Variants in SDK1 observed in about 807,000 individuals in gnomAD.
SDK1 encodes protein sidekick-1.
A neutral mutation model predicts 245.5 loss-of-function variants in SDK1; 157 were observed. The ratio of observed to expected loss-of-function variants is 0.64; its 90% CI spans 0.56 to 0.73. SDK1 has a LOEUF of 0.73. Among genes scored for constraint, SDK1 ranks in the 30% least tolerant of loss-of-function variants. SDK1 has a pLI of 0.00. For synonymous variants in SDK1, 1,647 were observed against 1,278.5 expected, an observed-to-expected ratio of 1.29 and a Z score of -6.15; for missense variants, 3,583 against 3,002.3, an observed-to-expected ratio of 1.19 and a Z score of -4.52.
intron 1 of SDK1, among the ~76,000 whole-genome samples, chr7:3,442,186 T>C (rs1780214792): frequency 6.6e-6 from 1 of 152,212 alleles, no homozygotes. Context: ...TAATTCTAGT[T>C]ATGAAGGAAA....
In SDK1 at chr7:4,158,558, A is replaced by C. The variant is rs770604026; in HGVS notation, c.4729+7A>C. On this transcript the variant is annotated splice_region_variant and intron_variant, in intron 31 of 44. Coordinates refer to ENST00000404826, the MANE Select transcript of SDK1 (RefSeq NM_152744.4). Reference sequence around the variant, plus strand: ...GTGACCACGCTGCAGGATGGTGAGCAACCCGGGGCCCAGACCGCGTTCCTG... The same window carrying C: ...GTGACCACGCTGCAGGATGGTGAGCCACCCGGGGCCCAGACCGCGTTCCTG... 2 of 1,606,512 alleles carry C rather than the reference A, an allele frequency of 1.2e-6. No homozygotes were observed. The highest frequency in any genetic ancestry group is 1.7e-6 in the Non-Finnish European group (2 of 1,173,866).
intron 1 of SDK1, among the ~76,000 whole-genome samples, chr7:3,580,588 C>G (rs1026750955): frequency 3.3e-5 from 5 of 152,026 alleles, no homozygotes; most frequent in African/African-American, 1.2e-4. Flanking sequence ...ACTGACTAGG[C>G]ATATGCAGGG....
chr7:3,435,906 A>C (rs1265562312), intron 1 of SDK1, among the ~76,000 whole-genome samples: 1 of 152,236 alleles, frequency 6.6e-6, no homozygotes, highest in Non-Finnish European at 1.5e-5. Flanking sequence ...ATTGTGTTAA[A>C]GGAAGCAACA....
chr7:3,380,163 A>C (rs1215039326), intron 1 of SDK1, among the ~76,000 whole-genome samples: 1 of 152,092 alleles, frequency 6.6e-6, no homozygotes, highest in Non-Finnish European at 1.5e-5. Context: ...TCCTAAAATG[A>C]TGTTTATCTT....
At chr7:3,596,124 A>T in intron 1 of SDK1, among the ~76,000 whole-genome samples, 1 of 148,802 alleles carries the variant, frequency 6.7e-6, no homozygotes, top group Non-Finnish European at 1.5e-5. Context: ...GAAATGCTCC[A>T]GTGAGCATTT....
intron 1 of SDK1, among the ~76,000 whole-genome samples, chr7:3,518,637 C>A (rs373820652): frequency 5.9e-5 from 9 of 152,016 alleles, no homozygotes; most frequent in Non-Finnish European, 1.2e-4. Flanking sequence ...AAGATATCAT[C>A]TCATCCCAGA....
intron 16 of SDK1, among the ~76,000 whole-genome samples, chr7:4,013,811 C>T (rs1786170176): frequency 6.6e-6 from 1 of 152,200 alleles, no homozygotes; most frequent in Non-Finnish European, 1.5e-5. Context: ...AGCAAGGCCC[C>T]TTTTGTCTCG....
chr7:3,637,040 T>C (rs1159594935), intron 2 of SDK1, among the ~76,000 whole-genome samples: 1 of 151,118 alleles, frequency 6.6e-6, no homozygotes, highest in African/African-American at 2.4e-5. Context: ...TTTTAAGCTT[T>C]TTTTTCCTGA....
chr7:4,153,852 T>C (rs1337739845), intron 30 of SDK1, among the ~76,000 whole-genome samples: 1 of 10,108 alleles, frequency 9.9e-5, no homozygotes, highest in Non-Finnish European at 1.5e-4. Flanking sequence ...AATGTTTAAT[T>C]TTTTTTTTTT....
At chr7:3,841,426 G>A (rs1484166097) in intron 5 of SDK1, among the ~76,000 whole-genome samples, 1 of 152,168 alleles carries the variant, frequency 6.6e-6, no homozygotes, top group Non-Finnish European at 1.5e-5. Flanking sequence ...CATTTGCTTG[G>A]CAGCACAGAA....
At chr7:3,607,928 CAG>C (rs1781472079) in intron 1 of SDK1, among the ~76,000 whole-genome samples, 1 of 152,246 alleles carries the variant, frequency 6.6e-6, no homozygotes, top group Non-Finnish European at 1.5e-5. Flanking sequence ...GAACCTGTGG[CAG>C]ACCCTGAGCC....
chr7:3,659,259 G>T (rs887511312), intron 4 of SDK1, among the ~76,000 whole-genome samples: 2 of 152,104 alleles, frequency 1.3e-5, no homozygotes, highest in African/African-American at 4.8e-5. Context: ...CTGAATGTCA[G>T]CTGCCCTGGT....
chr7:3,515,700 A>G (rs1032317437), intron 1 of SDK1, among the ~76,000 whole-genome samples: 10 of 152,210 alleles, frequency 6.6e-5, no homozygotes, highest in African/African-American at 2.2e-4. Context: ...CCAAAGAGAA[A>G]TGTTGATGTA....
chr7:4,122,740 T>G (rs1247706159), intron 25 of SDK1, among the ~76,000 whole-genome samples: 1 of 152,124 alleles, frequency 6.6e-6, no homozygotes, highest in Non-Finnish European at 1.5e-5. Flanking sequence ...ATGGAATGGC[T>G]TTGTTTTTAA....
chr7:3,631,377 A>C (rs1219361050), intron 2 of SDK1, among the ~76,000 whole-genome samples: 1 of 152,186 alleles, frequency 6.6e-6, no homozygotes, highest in Middle Eastern at 3.2e-3. Flanking sequence ...ACTCCCATCT[A>C]CATCTTCGTG....
chr7:3,661,692 A>G (rs1194437854), intron 4 of SDK1, among the ~76,000 whole-genome samples: 2 of 152,208 alleles, frequency 1.3e-5, no homozygotes, highest in Non-Finnish European at 2.9e-5. Context: ...CTTCAGGAAT[A>G]TATATGATTT....
At position 4,049,613 on chromosome 7, in the gene SDK1, A is replaced by C. The variant is rs1232180319; in HGVS notation, c.2718+150A>C. 4.9e-6 allele frequency: 3 copies of C among 614,922 alleles called. No homozygotes were observed. The Middle Eastern group carries it at 7.9e-4, about 162-fold the overall frequency. 38.1% of individuals were successfully genotyped at this position (614,922 alleles called of 1,614,324 possible). A position where few individuals can be genotyped will look rare whatever the true frequency, so the allele number is the denominator to read the frequency against. ...CCTTGGTGAGACCACCATTTATCCA[A>C]AGTCTTGGCATCAGCTCTGCAGGTT... On this transcript the variant is annotated intron_variant, in intron 18 of 44. Transcript: ENST00000404826.
chr7:3,612,132 G>T (rs191513653), intron 1 of SDK1, among the ~76,000 whole-genome samples: 17 of 152,166 alleles, frequency 1.1e-4, no homozygotes, highest in Non-Finnish European at 7.4e-5. Context: ...TACACATTGG[G>T]TACAGTGTAC....
intron 5 of SDK1, among the ~76,000 whole-genome samples, chr7:3,917,023 A>G (rs1413222261): frequency 3.3e-5 from 5 of 152,212 alleles, no homozygotes; most frequent in African/African-American, 9.7e-5. Flanking sequence ...ACTGGGGGCA[A>G]ATCTTTTCCA....
Sources: gnomAD v4.1 joint callset for allele counts (sites outside exome capture counted in the v4.1 genomes callset) on GRCh38, gnomAD v4.1.1 for gene constraint, MANE v1.5 for transcripts, NCBI Gene and HGNC (gene_info 2026-07-23, HGNC 2026-07-21) for gene names.